The following LTBP1 variants were observed in gnomAD, a reference collection of about 807,000 sequenced individuals.
The protein encoded by LTBP1 is latent-transforming growth factor beta-binding protein 1.
Under a neutral mutation model 207.6 loss-of-function variants are expected in LTBP1, and 129 were observed. The ratio of observed to expected loss-of-function variants is 0.62; its 90% CI spans 0.54 to 0.72. LTBP1 has a LOEUF of 0.72. Ranked by LOEUF, LTBP1 falls within the 30% of genes least tolerant of loss-of-function variation. The probability of loss-of-function intolerance (pLI) is 0.00; values close to 1 mark genes in which losing one functional copy is unlikely to be tolerated. For missense variants in LTBP1, 2,281 were observed against 2,217.2 expected, an observed-to-expected ratio of 1.03 and a Z score of -0.58; for synonymous variants, 963 against 833.7, an observed-to-expected ratio of 1.16 and a Z score of -2.67.
At chr2:33,088,329 G>A (rs1572576384) in intron 3 of LTBP1, among the ~76,000 whole-genome samples, 1 of 152,288 alleles carries the variant, frequency 6.6e-6, no homozygotes, top group Middle Eastern at 3.4e-3. Context: ...GCGCGTGCCT[G>A]TAATCCCAGC....
At chr2:33,015,277 A>G (rs1302970634) in intron 2 of LTBP1, among the ~76,000 whole-genome samples, 1 of 152,180 alleles carries the variant, frequency 6.6e-6, no homozygotes, top group Non-Finnish European at 1.5e-5. Flanking sequence ...TGATGGAAAA[A>G]CATCTGCTTT....
intron 7 of LTBP1, among the ~76,000 whole-genome samples, chr2:33,199,740 C>G (rs966961886): frequency 2.0e-5 from 3 of 152,052 alleles, no homozygotes; most frequent in Admixed American, 6.6e-5. Flanking sequence ...CGTCTCAGCC[C>G]AAAATCTCCT....
At chr2:33,295,540 GATAATAATA>G (rs552076117) in intron 20 of LTBP1, among the ~76,000 whole-genome samples, 1 of 151,294 alleles carries the variant, frequency 6.6e-6, no homozygotes, top group African/African-American at 2.4e-5. Context: ...TCTCAATGAT[GATAATAATA>G]ATAATAATAA....
chr2:33,215,184 G>A lies in LTBP1; in HGVS notation c.1702-2368G>A, dbSNP rs114451204. Among the ~76,000 whole-genome samples, 224 of 152,236 alleles carry A rather than the reference G, an allele frequency of 1.5e-3. 2 individuals carry two copies. Among genetic ancestry groups the A allele is most frequent in the African/African-American group, 5.2e-3 (216 of 41,534 alleles). On this transcript the variant is annotated intron_variant, in intron 7 of 33. Coordinates refer to ENST00000404816, the MANE Select transcript of LTBP1 (RefSeq NM_206943.4). ...ATAATGGTAATGATAGCTGACACATGTAAGTGCTCAGCTATAATGTTCAGC... is the reference window on the plus strand; with the variant it reads ...ATAATGGTAATGATAGCTGACACATATAAGTGCTCAGCTATAATGTTCAGC...
chr2:33,128,563 AT>A (rs1235081115), intron 4 of LTBP1, among the ~76,000 whole-genome samples: 10 of 152,148 alleles, frequency 6.6e-5, no homozygotes, highest in Non-Finnish European at 1.5e-4. Context: ...GGAGGTAGCT[AT>A]TTTTCATTTC....
intron 32 of LTBP1, 26 bp downstream of exon 32, chr2:33,389,332 G>GAT: frequency 1.9e-6 from 3 of 1,613,032 alleles, no homozygotes; most frequent in Non-Finnish European, 2.5e-6. Context: ...TTGTTCCTTT[G>GAT]ATACTAAGTT....
intron 3 of LTBP1, among the ~76,000 whole-genome samples, chr2:33,095,868 A>T (rs1248158665): frequency 6.6e-6 from 1 of 152,168 alleles, no homozygotes; most frequent in Non-Finnish European, 1.5e-5. Flanking sequence ...AATGAATAAA[A>T]TCTCAGTGCT....
chr2:33,221,555 G>A (rs2091106430), intron 8 of LTBP1, among the ~76,000 whole-genome samples: 1 of 152,072 alleles, frequency 6.6e-6, no homozygotes, highest in Non-Finnish European at 1.5e-5. Context: ...TTCTTCTCTG[G>A]TTCATAATGG....
intron 3 of LTBP1, among the ~76,000 whole-genome samples, chr2:33,065,004 A>AT (rs2077438228): frequency 6.6e-6 from 1 of 152,158 alleles, no homozygotes; most frequent in Non-Finnish European, 1.5e-5. Flanking sequence ...AAAGTATGTT[A>AT]TTTTACCAAT....
chr2:33,063,853 C>CTTTTTT (rs58115868), intron 3 of LTBP1, among the ~76,000 whole-genome samples: 7 of 147,580 alleles, frequency 4.7e-5, no homozygotes, highest in Non-Finnish European at 3.0e-5. Context: ...ATTGTATATT[C>CTTTTTT]TTTTTTTTTT....
At chr2:33,190,350 G>C (rs933586394) in intron 7 of LTBP1, among the ~76,000 whole-genome samples, 1 of 152,096 alleles carries the variant, frequency 6.6e-6, no homozygotes, top group Non-Finnish European at 1.5e-5. Context: ...GTGTGTGTGT[G>C]TATATGCGCA....
chr2:33,305,177 A>T (rs771219916), intron 22 of LTBP1, among the ~76,000 whole-genome samples: 2 of 152,136 alleles, frequency 1.3e-5, no homozygotes, highest in South Asian at 2.1e-4. Flanking sequence ...AAGAAAAATT[A>T]TCTGGGTGTG....
rs1676346291 is a variant in LTBP1, at chr2:32,947,443, C to T, written c.119C>T (p.Ala40Val). ...YVVHPGPGLA[A>V]GALPLSGPPR... is the part of the protein sequence containing the mutation. ...GTGCACCCGGGCCCCGGCCTGGCAGCCGGCGCCTTGCCCCTGAGCGGGCCC... is the reference window on the plus strand; with the variant it reads ...GTGCACCCGGGCCCCGGCCTGGCAGTCGGCGCCTTGCCCCTGAGCGGGCCC... The change falls in exon 1 of 34, where the codon GCC becomes GTC. Residue 40 changes from alanine to valine, a missense_variant. Around this residue, in one of 3 missense-constraint regions of LTBP1, gnomAD observed 555 missense variants for 491.0 expected, o/e 1.13. Coordinates refer to ENST00000404816, the MANE Select transcript of LTBP1 (RefSeq NM_206943.4). 2 of 1,443,200 alleles carry T rather than the reference C, an allele frequency of 1.4e-6. No homozygotes were observed. The highest frequency in any genetic ancestry group is 2.7e-5 in the South Asian group (2 of 75,090). 89.4% of individuals were successfully genotyped at this position (1,443,200 alleles called of 1,614,324 possible).
chr2:33,321,414 A>C (rs1256450099), intron 24 of LTBP1, among the ~76,000 whole-genome samples: 1 of 152,198 alleles, frequency 6.6e-6, no homozygotes, highest in Non-Finnish European at 1.5e-5. Flanking sequence ...GGTGGATTCA[A>C]ACTCTCAGGC....
At chr2:33,252,619 G>A (rs1573438036) in intron 10 of LTBP1, 58 bp from the exon 11 acceptor site, 1 of 1,480,686 alleles carries the variant, frequency 6.8e-7, no homozygotes, top group Non-Finnish European at 9.2e-7. Flanking sequence ...CTATCATTTG[G>A]AAAGCCAATG....
At chr2:33,232,376 A>G (rs1202835962) in intron 9 of LTBP1, among the ~76,000 whole-genome samples, 1 of 152,218 alleles carries the variant, frequency 6.6e-6, no homozygotes, top group Non-Finnish European at 1.5e-5. Context: ...ATCTTTGTCG[A>G]TGGAACACTG....
At chr2:33,217,730 G>A (rs1254344694) in intron 8 of LTBP1, 76 bp downstream of exon 8, 3 of 981,120 alleles carry the variant, frequency 3.1e-6, no homozygotes, top group Non-Finnish European at 4.8e-6. Context: ...TTAATGATGA[G>A]GCAATATTAG....
At chr2:33,277,885 A>G (rs2093478795) in intron 18 of LTBP1, among the ~76,000 whole-genome samples, 1 of 134,128 alleles carries the variant, frequency 7.5e-6, no homozygotes, top group South Asian at 2.3e-4. Flanking sequence ...GCTGGAGTGC[A>G]GTGGTGCGAT....
intron 5 of LTBP1, among the ~76,000 whole-genome samples, chr2:33,164,828 C>T (rs995871697): frequency 6.6e-6 from 1 of 152,196 alleles, no homozygotes; most frequent in Non-Finnish European, 1.5e-5. Context: ...TGAGAAGATA[C>T]ATACCTTTGA....
Sources: allele counts gnomAD v4.1 joint callset (sites outside exome capture counted in the v4.1 genomes callset), GRCh38; gene constraint gnomAD v4.1.1; regional missense constraint gnomAD v4.1.1; transcripts MANE v1.5; gene names NCBI Gene and HGNC (gene_info 2026-07-23, HGNC 2026-07-21).